The following SAFB variants were observed in gnomAD, a reference collection of about 807,000 sequenced individuals.
SAFB encodes the protein scaffold attachment factor B.
A neutral mutation model predicts 101.6 loss-of-function variants in SAFB; 15 were observed. The observed-to-expected ratio is 0.15, with a 90% CI of 0.10 to 0.23. SAFB has a LOEUF of 0.23. SAFB is among the 10% of genes least tolerant of loss of function. The probability of loss-of-function intolerance (pLI) is 1.00; values close to 1 mark genes in which losing one functional copy is unlikely to be tolerated. For synonymous variants in SAFB, 449 were observed against 407.5 expected, an observed-to-expected ratio of 1.10 and a Z score of -1.23; for missense variants, 930 against 1,104.1, an observed-to-expected ratio of 0.84 and a Z score of 2.23.
At chr19:5,651,801 A>C (rs2053944922) in intron 9 of SAFB, among the ~76,000 whole-genome samples, 1 of 152,232 alleles carries the variant, frequency 6.6e-6, no homozygotes, top group Admixed American at 6.5e-5. Flanking sequence ...GGACTACCAA[A>C]GGAAGGAGTC....
At chr19:5,645,782 G>A (rs76853750) in intron 5 of SAFB, among the ~76,000 whole-genome samples, 2,599 of 152,318 alleles carry the variant, frequency 0.017, 43 homozygotes, top group East Asian at 0.027. Flanking sequence ...GGAAAGATGA[G>A]TAGGGCCCAG....
chr19:5,627,963 A>G (rs776524582), intron 2 of SAFB, among the ~76,000 whole-genome samples: 1 of 152,200 alleles, frequency 6.6e-6, no homozygotes, highest in Non-Finnish European at 1.5e-5. Context: ...AGAAAGAATC[A>G]GCTGAGGCAG....
At chr19:5,627,888 T>C (rs2053401855) in intron 2 of SAFB, among the ~76,000 whole-genome samples, 1 of 152,166 alleles carries the variant, frequency 6.6e-6, no homozygotes, top group Non-Finnish European at 1.5e-5. Context: ...GGACTAGGGC[T>C]GTGTCTTGTT....
At chr19:5,633,395 G>A (rs942079452) in intron 2 of SAFB, among the ~76,000 whole-genome samples, 4 of 152,146 alleles carry the variant, frequency 2.6e-5, no homozygotes, top group African/African-American at 7.2e-5. Context: ...GGCAGGGTAC[G>A]TGAGTCTCAT....
intron 15 of SAFB, 63 bp from the exon 16 acceptor site, chr19:5,663,959 C>G: frequency 1.3e-6 from 2 of 1,563,020 alleles, no homozygotes; most frequent in Non-Finnish European, 1.7e-6. Flanking sequence ...CCAGCTCCCA[C>G]AAAGGTGATA....
intron 5 of SAFB, among the ~76,000 whole-genome samples, chr19:5,646,169 TTTTA>T (rs1187533556): frequency 5.9e-5 from 9 of 152,164 alleles, no homozygotes; most frequent in African/African-American, 1.7e-4. Flanking sequence ...TGCCCAGCCT[TTTTA>T]TTTATTTATT....
chr19:5,623,084 G>C lies in SAFB; in HGVS notation c.-122G>C, dbSNP rs2053219133. On this transcript the variant is annotated 5_prime_UTR_variant, in exon 1 of 21. Coordinates refer to ENST00000588852, the MANE Select transcript of SAFB (RefSeq NM_001201338.2). ...AACCTACGCTTGGTGCGCCTGCGCA[G>C]AAGCGAGGCGCGCTGGGGCGACTGG... 1.0e-5 allele frequency: 11 copies of C among 1,052,204 alleles called. No homozygotes were observed. The highest frequency in any genetic ancestry group is 2.9e-5 in the South Asian group (2 of 68,104). The allele number at this position is 1,052,204 out of a possible 1,614,324, so 65.2% of individuals were successfully genotyped here.
intron 5 of SAFB, 84 bp from the exon 6 acceptor site, chr19:5,647,932 C>A: frequency 8.0e-7 from 1 of 1,252,210 alleles, no homozygotes; most frequent in South Asian, 1.2e-5. Context: ...TTAAAATTCC[C>A]TCTTTAGTTA....
At chr19:5,629,685 A>G (rs916928705) in intron 2 of SAFB, among the ~76,000 whole-genome samples, 3 of 152,238 alleles carry the variant, frequency 2.0e-5, no homozygotes, top group Non-Finnish European at 4.4e-5. Flanking sequence ...TCAAAGTAAT[A>G]TAATTTTTGA....
intron 1 of SAFB, among the ~76,000 whole-genome samples, chr19:5,624,839 A>G (rs937581921): frequency 6.6e-6 from 1 of 152,154 alleles, no homozygotes; most frequent in Non-Finnish European, 1.5e-5. Context: ...AAGCCCACTG[A>G]TCTACATATT....
At chr19:5,646,544 G>A (rs934450252) in intron 5 of SAFB, among the ~76,000 whole-genome samples, 1 of 152,216 alleles carries the variant, frequency 6.6e-6, no homozygotes, top group Admixed American at 6.5e-5. Flanking sequence ...TAGAGAAAAT[G>A]AGGAAGAATT....
intron 2 of SAFB, 46 bp downstream of exon 2, chr19:5,626,535 A>T (rs1277481888): frequency 1.8e-6 from 2 of 1,124,214 alleles, no homozygotes; most frequent in East Asian, 4.7e-5. Flanking sequence ...TGCTTTCTTC[A>T]AAACGAATAC....
At chr19:5,624,199 C>G (rs1003254893) in intron 1 of SAFB, among the ~76,000 whole-genome samples, 1 of 151,752 alleles carries the variant, frequency 6.6e-6, no homozygotes, top group African/African-American at 2.4e-5. Flanking sequence ...GACCTTGAAC[C>G]CCTTCTGAGT....
At chr19:5,630,728 C>G (rs2145403497) in intron 2 of SAFB, among the ~76,000 whole-genome samples, 1 of 151,582 alleles carries the variant, frequency 6.6e-6, no homozygotes, top group Non-Finnish European at 1.5e-5. Context: ...TGCACTCCAG[C>G]CTGGGCGACG....
Position 5,667,371 on chromosome 19 carries a change from T to C in SAFB, c.2478T>C (p.His826=), listed in dbSNP as rs1164054256. ...PPRGRRDWGD[H]GRREDDRSWQ... The stretch of plus-strand genomic sequence containing the variant: ...GGGGCAGACGTGACTGGGGGGACCA[T>C]GGCCGAAGAGAGGATGACCGGTCAT... The change falls in exon 19 of 21, where the codon CAT becomes CAC. Residue 826 remains histidine (H), a synonymous_variant. Coordinates refer to ENST00000588852, the MANE Select transcript of SAFB (RefSeq NM_001201338.2). This position sits in a 1 kb window ranked among gnomAD's most constrained non-coding sequence, Gnocchi z 4.0. 1.3e-6 allele frequency: 2 copies of C among 1,506,496 alleles called. No individual in the cohort carries two copies. The highest frequency in any genetic ancestry group is 2.8e-5 in the African/African-American group (2 of 70,244). The allele number at this position is 1,506,496 out of a possible 1,614,324, so 93.3% of individuals were successfully genotyped here. A position where few individuals can be genotyped will look rare whatever the true frequency, so the allele number is the denominator to read the frequency against.
intron 17 of SAFB, chr19:5,666,031 G>A (rs555577174): frequency 6.6e-6 from 1 of 152,316 alleles, no homozygotes; most frequent in Admixed American, 6.5e-5. Context: ...TGAACGGGGA[G>A]GTGAACTTGG....
At position 5,664,102 on chromosome 19, in the gene SAFB, G is replaced by A. The variant is rs1013560474; in HGVS notation, c.2234G>A (p.Arg745His). 3 of 1,613,902 alleles carry A rather than the reference G, an allele frequency of 1.9e-6. No individual in the cohort carries two copies. In the African/African-American group the frequency reaches 4.0e-5, roughly 22 times the overall value. ...CATTCTGACTTTAACCGCCAGGACC[G>A]CTTCCACGACTTTGACCACAGGGAC... ...RYHSDFNRQD[R>H]FHDFDHRDRG... Residue 745 changes from arginine (R) to histidine (H), a missense_variant, in exon 16 of 21, where the codon CGC (arginine) becomes CAC (histidine). Arg to His is a conservative substitution (Grantham distance 29). Around this residue, in one of 7 missense-constraint regions of SAFB, gnomAD observed 318 missense variants for 342.6 expected, o/e 0.93. Transcript: ENST00000588852.
chr19:5,662,425 C>T (rs1205940299), intron 15 of SAFB, among the ~76,000 whole-genome samples: 1 of 151,144 alleles, frequency 6.6e-6, no homozygotes, highest in Non-Finnish European at 1.5e-5. Flanking sequence ...ACCCAGGAGG[C>T]AGAGGTTGCA....
intron 2 of SAFB, among the ~76,000 whole-genome samples, chr19:5,633,575 C>T (rs1715681128): frequency 6.6e-6 from 1 of 152,008 alleles, no homozygotes; most frequent in Non-Finnish European, 1.5e-5. Context: ...GTCGGGAGAT[C>T]GAGACCATCC....
Sources: gnomAD v4.1 joint callset for allele counts (sites outside exome capture counted in the v4.1 genomes callset) on GRCh38, gnomAD v4.1.1 for gene constraint, gnomAD v4.1.1 regional missense constraint, Gnocchi (gnomAD v3.1) non-coding constraint, MANE v1.5 for transcripts, NCBI Gene and HGNC (gene_info 2026-07-23, HGNC 2026-07-21) for gene names.